The following PTCHD4 variants were observed in gnomAD, a reference collection of about 807,000 sequenced individuals.
PTCHD4 encodes the protein patched domain containing 4.
PTCHD4 carries 33 observed loss-of-function variants against 58.1 expected under a neutral mutation model. That is an observed-to-expected ratio of 0.57 (90% CI 0.43 to 0.76). The LOEUF is 0.76. Ranked by LOEUF, PTCHD4 falls within the 30% of genes least tolerant of loss-of-function variation. The pLI is 0.00. For synonymous variants in PTCHD4, 478 were observed against 409.6 expected, an observed-to-expected ratio of 1.17 and a Z score of -2.02; for missense variants, 1,058 against 1,027.1, an observed-to-expected ratio of 1.03 and a Z score of -0.41.
chr6:48,105,480 A>G (rs1021946238), intron 1 of PTCHD4, among the ~76,000 whole-genome samples: 1 of 152,164 alleles, frequency 6.6e-6, no homozygotes, highest in Non-Finnish European at 1.5e-5. Flanking sequence ...AGCACTAAAT[A>G]CCCACAAGAG....
At chr6:48,080,219 C>A (rs1765138800) in intron 1 of PTCHD4, among the ~76,000 whole-genome samples, 1 of 152,042 alleles carries the variant, frequency 6.6e-6, no homozygotes, top group African/African-American at 2.4e-5. Flanking sequence ...GTGAAGAATT[C>A]TACTATGACC....
intron 4 of PTCHD4, among the ~76,000 whole-genome samples, chr6:47,945,018 G>C (rs1766363195): frequency 6.6e-6 from 1 of 152,028 alleles, no homozygotes; most frequent in Admixed American, 6.6e-5. Context: ...ATGCTAAGCA[G>C]GTGATAAAAA....
intron 4 of PTCHD4, among the ~76,000 whole-genome samples, chr6:47,948,346 T>A (rs1052036701): frequency 9.2e-5 from 14 of 152,158 alleles, no homozygotes; most frequent in African/African-American, 3.4e-4. Context: ...CAGTCTTATA[T>A]AATATAATCA....
intron 3 of PTCHD4, among the ~76,000 whole-genome samples, chr6:48,016,296 G>A (rs1762867393): frequency 6.6e-6 from 1 of 152,012 alleles, no homozygotes. Context: ...GGCCATGAAA[G>A]CCTTATTAAG....
chr6:48,016,108 G>C (rs1257968450), intron 3 of PTCHD4, among the ~76,000 whole-genome samples: 1 of 151,708 alleles, frequency 6.6e-6, no homozygotes, highest in Admixed American at 6.6e-5. Flanking sequence ...TTTCATTTTT[G>C]CTGCACACCA....
Position 47,874,901 on chromosome 6 carries a change from T to C in PTCHD4, c.*3402A>G, listed in dbSNP as rs1317901930. 1.3e-5 allele frequency among the ~76,000 whole-genome samples: 2 copies of C among 151,840 alleles called. No individual in the cohort carries two copies. The highest frequency in any genetic ancestry group is 4.8e-5 in the African/African-American group (2 of 41,398). Reference sequence around the variant, plus strand: ...AAGAATCAAATCTCTAAGGTATGATTACCTTTAACCATAAACGGTAAAAAA... The same window carrying C: ...AAGAATCAAATCTCTAAGGTATGATCACCTTTAACCATAAACGGTAAAAAA... On this transcript the variant is annotated 3_prime_UTR_variant, in exon 5 of 5. Coordinates refer to ENST00000339488, the MANE Select transcript of PTCHD4 (RefSeq NM_001384253.1).
intron 4 of PTCHD4, among the ~76,000 whole-genome samples, chr6:47,946,619 T>C (rs892639842): frequency 6.6e-6 from 1 of 152,204 alleles, no homozygotes. Context: ...TAGTTGTATT[T>C]AAAAAATGCA....
intron 1 of PTCHD4, among the ~76,000 whole-genome samples, chr6:48,070,155 G>GTGTGTGTGTA (rs1554180455): frequency 3.0e-5 from 3 of 100,266 alleles, no homozygotes; most frequent in Admixed American, 2.0e-4. Context: ...GTGTGTGTGT[G>GTGTGTGTGTA]TATATATATA....
intron 3 of PTCHD4, among the ~76,000 whole-genome samples, chr6:48,036,025 AT>A (rs893102080): frequency 1.2e-3 from 178 of 149,432 alleles, no homozygotes; most frequent in South Asian, 2.3e-3. Context: ...ATTGAATAAC[AT>A]TTTTTTTTTA....
intron 4 of PTCHD4, among the ~76,000 whole-genome samples, chr6:47,912,099 A>G (rs1057386859): frequency 6.6e-6 from 1 of 152,034 alleles, no homozygotes; most frequent in Non-Finnish European, 1.5e-5. Context: ...TAGAGAATTG[A>G]CCATTTGATT....
chr6:48,089,869 A>G (rs935889678), intron 1 of PTCHD4, among the ~76,000 whole-genome samples: 2 of 152,298 alleles, frequency 1.3e-5, no homozygotes, highest in Middle Eastern at 3.4e-3. Flanking sequence ...CACTACCTGT[A>G]ATTACTTTGC....
At chr6:47,902,439 C>T (rs1376015673) in intron 4 of PTCHD4, among the ~76,000 whole-genome samples, 1 of 152,108 alleles carries the variant, frequency 6.6e-6, no homozygotes, top group Middle Eastern at 3.2e-3. Flanking sequence ...GTTCAAGGTA[C>T]TGCATAAAAT....
chr6:47,930,044 T>C (rs563749648), intron 4 of PTCHD4, among the ~76,000 whole-genome samples: 225 of 152,352 alleles, frequency 1.5e-3, no homozygotes, highest in African/African-American at 4.8e-3. Flanking sequence ...TTGTTTTGAC[T>C]AGTTCTATTG....
chr6:48,032,824 A>G (rs559407633), intron 3 of PTCHD4, among the ~76,000 whole-genome samples: 1 of 152,226 alleles, frequency 6.6e-6, no homozygotes, highest in African/African-American at 2.4e-5. Flanking sequence ...GTCTTGTGGT[A>G]GTTTCTGAAT....
At chr6:47,980,842 A>AAT (rs1201495892) in intron 4 of PTCHD4, among the ~76,000 whole-genome samples, 4 of 151,696 alleles carry the variant, frequency 2.6e-5, no homozygotes, top group Admixed American at 1.3e-4. Flanking sequence ...TTGTCAAATA[A>AAT]ATATATATAT....
intron 3 of PTCHD4, among the ~76,000 whole-genome samples, chr6:48,010,341 C>A (rs1762622459): frequency 9.9e-5 from 15 of 152,150 alleles, no homozygotes; most frequent in Admixed American, 9.2e-4. Context: ...ACAACAAACT[C>A]AATAGTGTGA....
intron 4 of PTCHD4, among the ~76,000 whole-genome samples, chr6:47,972,737 A>G (rs1767563682): frequency 6.6e-6 from 1 of 151,688 alleles, no homozygotes; most frequent in Non-Finnish European, 1.5e-5. Context: ...CTAATTGAGC[A>G]ACATCTAGAA....
intron 1 of PTCHD4, among the ~76,000 whole-genome samples, chr6:48,088,649 C>T (rs529036237): frequency 2.0e-5 from 3 of 152,250 alleles, no homozygotes; most frequent in East Asian, 3.9e-4. Context: ...TGAACTAAAA[C>T]GCTGTGGTTT....
chr6:47,921,759 C>A (rs779811242), intron 4 of PTCHD4, among the ~76,000 whole-genome samples: 4 of 152,050 alleles, frequency 2.6e-5, no homozygotes, highest in Admixed American at 6.6e-5. Flanking sequence ...CTATGCCAGC[C>A]TTGGACTGTC....
Sources: gnomAD v4.1 joint callset for allele counts (sites outside exome capture counted in the v4.1 genomes callset) on GRCh38, gnomAD v4.1.1 for gene constraint, MANE v1.5 for transcripts, NCBI Gene and HGNC (gene_info 2026-07-23, HGNC 2026-07-21) for gene names.